SEC31B: variants seen among roughly 807,000 people sequenced by gnomAD.
The protein encoded by SEC31B is SEC31 homolog B, COPII component, also known as protein transport protein Sec31B.
In SEC31B, 113 loss-of-function variants were observed where a neutral mutation model predicts 135.0. The ratio of observed to expected loss-of-function variants is 0.84; its 90% confidence interval spans 0.72 to 0.98. The LOEUF is 0.98. Among genes scored for constraint, SEC31B ranks in the 50% least tolerant of loss-of-function variants. SEC31B has a pLI of 0.00. For synonymous variants in SEC31B, 508 were observed against 549.4 expected (o/e 0.92, Z 1.05); for missense variants, 1,296 against 1,421.1 (o/e 0.91, Z 1.42).
At chr10:100,494,635 C>T (rs1157953756) in intron 19 of SEC31B, among the ~76,000 whole-genome samples, 2 of 152,200 alleles carry the variant, frequency 1.3e-5, no homozygotes, top group African/African-American at 2.4e-5. Flanking sequence ...CTGAAACAGT[C>T]TTCACTTGCT....
chr10:100,487,808 T>A lies in SEC31B; in HGVS notation c.3361-13A>T. On this transcript the variant is annotated splice_polypyrimidine_tract_variant and intron_variant, in intron 25 of 25. Transcript: ENST00000370345. ...CATGAGGTGAGAGCTGTGGAGGGAA[T>A]GACCCTTAGGTTAGTGAGCCCAACC... The A allele has an allele frequency of 1.2e-6, 2 of 1,613,638 alleles. No homozygotes were observed. The highest frequency in any genetic ancestry group is 1.7e-4 in the Middle Eastern group (1 of 5,884).
At chr10:100,494,372 C>A (rs1016769995) in intron 19 of SEC31B, among the ~76,000 whole-genome samples, 1 of 152,188 alleles carries the variant, frequency 6.6e-6, no homozygotes, top group Non-Finnish European at 1.5e-5. Flanking sequence ...CTCCCTCCAG[C>A]CTGGCCCTTC....
chr10:100,516,147 C>T lies in SEC31B; in HGVS notation c.152G>A (p.Arg51Lys). The T allele has an allele frequency of 3.1e-6, 5 of 1,614,006 alleles. No homozygotes were observed. Among genetic ancestry groups the T allele is most frequent in the Non-Finnish European group, 4.2e-6 (5 of 1,179,982 alleles). ...GTGTTTCAAGTCCAGAGAAGGGTCC[C>T]TGAAATCAACCTCAAATATTTCCAA... ...GTLEIFEVDF[R>K]DPSLDLKHRG... is the part of the protein sequence containing the mutation. The change falls in exon 3 of 26, where the codon AGG becomes AAG. Residue 51 changes from arginine to lysine, a missense_variant. Physicochemically the swap from Arg to Lys is conservative, Grantham distance 26. Coordinates refer to ENST00000370345, the MANE Select transcript of SEC31B (RefSeq NM_015490.4).
At chr10:100,491,117 A>C (rs1307506144) in intron 19 of SEC31B, among the ~76,000 whole-genome samples, 1 of 152,210 alleles carries the variant, frequency 6.6e-6, no homozygotes, top group African/African-American at 2.4e-5. Context: ...TAAAAATATA[A>C]ACGAATACTA....
At chr10:100,517,258 A>G (rs906971359) in intron 1 of SEC31B, among the ~76,000 whole-genome samples, 1 of 152,218 alleles carries the variant, frequency 6.6e-6, no homozygotes, top group African/African-American at 2.4e-5. Flanking sequence ...TCTCTCAGTG[A>G]TGTTTGTCCA....
intron 16 of SEC31B, 25 bp downstream of exon 16, chr10:100,497,642 T>C (rs747767501): frequency 3.1e-6 from 5 of 1,614,146 alleles, no homozygotes; most frequent in Non-Finnish European, 4.2e-6. Flanking sequence ...CACCATTTCA[T>C]CCTGAAGCCT....
chr10:100,487,601 G>T lies in SEC31B; in HGVS notation c.*15C>A. On this transcript the variant is annotated 3_prime_UTR_variant, in exon 26 of 26. Transcript: ENST00000370345. ...AACAGCAGAAGTGGCCTCCTAGCAA[G>T]AGAGGCTGCCTGGTTTAGACCAGCA... 6.2e-7 allele frequency: 1 copy of T among 1,607,468 alleles called. No homozygotes were observed. Among genetic ancestry groups the T allele is most frequent in the South Asian group, 1.1e-5 (1 of 90,220 alleles).
intron 22 of SEC31B, 106 bp from the exon 23 acceptor site, chr10:100,489,504 G>GTT: frequency 7.0e-7 from 1 of 1,434,442 alleles, no homozygotes; most frequent in Non-Finnish European, 9.6e-7. Flanking sequence ...AAGAGTGAGT[G>GTT]TGGGAAACTG....
rs371944024 is a variant in SEC31B at position 100,506,080 on chromosome 10, C to T, written c.1004G>A (p.Gly335Asp). The T allele has an allele frequency of 1.2e-6, 2 of 1,614,180 alleles. No homozygotes were observed. Among genetic ancestry groups the T allele is most frequent in the Non-Finnish European group, 1.7e-6 (2 of 1,180,024 alleles). Residue 335 changes from glycine (G) to aspartate (D), a missense_variant, in exon 9 of 26, where the codon GGT becomes GAT. Transcript: ENST00000370345. ...CATATGCTGGACTTCCCAGCTCCTA[C>T]CCATCACAGAGTACAAACTGATCCA... ...NGWISLYSVM[G>D]RSWEVQHMRQ...
intron 24 of SEC31B, among the ~76,000 whole-genome samples, 184 bp downstream of exon 24, chr10:100,488,674 G>A (rs1293083801): frequency 6.6e-6 from 1 of 152,026 alleles, no homozygotes; most frequent in African/African-American, 2.4e-5. Context: ...CCAAGGAGCT[G>A]GACTTCAGAC....
intron 17 of SEC31B, 128 bp from the exon 18 acceptor site, chr10:100,496,559 GGCA>G (rs1440904038): frequency 8.7e-6 from 8 of 916,160 alleles, no homozygotes; most frequent in East Asian, 5.2e-5. Flanking sequence ...CCTAGGTGAA[GGCA>G]GCAGATGATG....
chr10:100,487,570 T>G lies in SEC31B; in HGVS notation c.*46A>C. ...AAGTCCCCTCTTCTGCAGGGAGGAG[T>G]TATGTAACAGCAGAAGTGGCCTCCT... On this transcript the variant is annotated 3_prime_UTR_variant, in exon 26 of 26. Transcript: ENST00000370345. The G allele has an allele frequency of 6.5e-7, 1 of 1,529,076 alleles. No individual in the cohort carries two copies. Among genetic ancestry groups the G allele is most frequent in the Non-Finnish European group, 8.9e-7 (1 of 1,117,664 alleles). 94.7% of individuals were successfully genotyped at this position (1,529,076 alleles called of 1,614,324 possible). A position where few individuals can be genotyped will look rare whatever the true frequency, so the allele number is the denominator to read the frequency against.
chr10:100,501,411 G>A (rs1214814007), intron 11 of SEC31B, among the ~76,000 whole-genome samples: 4 of 152,076 alleles, frequency 2.6e-5, no homozygotes, highest in Admixed American at 2.6e-4. Flanking sequence ...TATGACAAAA[G>A]CATCATTTCT....
chr10:100,488,619 A>G (rs1429421395), intron 24 of SEC31B, among the ~76,000 whole-genome samples: 1 of 152,126 alleles, frequency 6.6e-6, no homozygotes, highest in Non-Finnish European at 1.5e-5. Flanking sequence ...CCCTCCTTCC[A>G]GTACCCCTGC....
chr10:100,500,263 G>T (rs1049979323), intron 11 of SEC31B: 3 of 451,116 alleles, frequency 6.7e-6, no homozygotes, highest in African/African-American at 6.0e-5. Flanking sequence ...ATATCCTTCC[G>T]AGGAGACTGC....
At chr10:100,513,264 G>A (rs138517595) in intron 3 of SEC31B, among the ~76,000 whole-genome samples, 247 of 152,316 alleles carry the variant, frequency 1.6e-3, no homozygotes, top group African/African-American at 5.5e-3. Context: ...AAAGAAAGCA[G>A]AGATAAAATA....
chr10:100,501,357 C>T (rs1851521320), intron 11 of SEC31B, among the ~76,000 whole-genome samples: 3 of 152,186 alleles, frequency 2.0e-5, no homozygotes, highest in African/African-American at 7.2e-5. Flanking sequence ...CCTGACCACT[C>T]CCTCTCTTTA....
chr10:100,501,063 A>G (rs376458117), intron 11 of SEC31B, among the ~76,000 whole-genome samples: 243 of 142,608 alleles, frequency 1.7e-3, no homozygotes, highest in African/African-American at 5.8e-3. Context: ...AATACAAAAA[A>G]TACAAAAAAA....
chr10:100,509,545 T>C (rs1851701205), intron 3 of SEC31B, 34 bp from the exon 4 acceptor site: 1 of 1,545,214 alleles, frequency 6.5e-7, no homozygotes, highest in South Asian at 1.2e-5. Flanking sequence ...CAGTACAAAC[T>C]TAGGTTCATG....
Sources: gnomAD v4.1 joint callset for allele counts (sites outside exome capture counted in the v4.1 genomes callset) on GRCh38, gnomAD v4.1.1 for gene constraint, MANE v1.5 for transcripts, NCBI Gene and HGNC (gene_info 2026-07-23, HGNC 2026-07-21) for gene names.